Variants in NKAIN2 observed in about 807,000 individuals in gnomAD.
NKAIN2 encodes sodium/potassium transporting ATPase interacting 2, also known as sodium/potassium-transporting ATPase subunit beta-1-interacting protein 2.
Under a neutral mutation model 32.6 loss-of-function variants are expected in NKAIN2, and 14 were observed. The ratio of observed to expected loss-of-function variants is 0.43; its 90% CI spans 0.28 to 0.67. The LOEUF is 0.67. Among genes scored for constraint, NKAIN2 ranks in the 30% least tolerant of loss-of-function variants. The pLI is 0.17. For missense variants in NKAIN2, 198 were observed against 258.3 expected, an observed-to-expected ratio of 0.77 and a Z score of 1.60; for synonymous variants, 80 against 87.2, an observed-to-expected ratio of 0.92 and a Z score of 0.46.
At chr6:124,026,547 G>A (rs1003473602) in intron 1 of NKAIN2, among the ~76,000 whole-genome samples, 13 of 152,106 alleles carry the variant, frequency 8.5e-5, no homozygotes, top group Non-Finnish European at 1.5e-4. Flanking sequence ...AGCCTATAAA[G>A]GGATGACAAA....
chr6:124,636,464 C>T (rs894565962), intron 3 of NKAIN2, among the ~76,000 whole-genome samples: 26 of 151,664 alleles, frequency 1.7e-4, no homozygotes, highest in African/African-American at 6.0e-4. Flanking sequence ...AAAAGATCAA[C>T]AAAATGAAAA....
chr6:123,985,924 G>C (rs1216220419), intron 1 of NKAIN2, among the ~76,000 whole-genome samples: 1 of 152,100 alleles, frequency 6.6e-6, no homozygotes, highest in Non-Finnish European at 1.5e-5. Flanking sequence ...GAGATGTAAT[G>C]TATTCAAGAA....
At chr6:124,687,497 T>TACATGGTATATATTCCATACATAC (rs1774008880) in intron 4 of NKAIN2, among the ~76,000 whole-genome samples, 2 of 18,790 alleles carry the variant, frequency 1.1e-4, no homozygotes, top group South Asian at 2.8e-3. Flanking sequence ...TCCATACATA[T>TACATGGTATATATTCCATACATAC]ACATACATGG....
At chr6:124,394,413 C>A (rs2114427942) in intron 3 of NKAIN2, among the ~76,000 whole-genome samples, 1 of 151,232 alleles carries the variant, frequency 6.6e-6, no homozygotes, top group African/African-American at 2.4e-5. Flanking sequence ...TAATGCATGG[C>A]CCTTGTATTA....
chr6:124,153,458 AT>A (rs1787831823), intron 1 of NKAIN2, among the ~76,000 whole-genome samples: 1 of 151,774 alleles, frequency 6.6e-6, no homozygotes, highest in South Asian at 2.1e-4. Flanking sequence ...AACTTGAGGG[AT>A]AATTAACTTT....
intron 3 of NKAIN2, among the ~76,000 whole-genome samples, chr6:124,460,436 C>G (rs1296291705): frequency 2.0e-5 from 3 of 151,716 alleles, no homozygotes; most frequent in East Asian, 3.9e-4. Flanking sequence ...TAAATAGTAA[C>G]ATATCTTTGT....
intron 3 of NKAIN2, among the ~76,000 whole-genome samples, chr6:124,457,098 C>T (rs945901683): frequency 4.6e-5 from 7 of 151,846 alleles, no homozygotes; most frequent in Non-Finnish European, 7.4e-5. Flanking sequence ...TCTGTGTGTA[C>T]TGCCTTCACA....
At chr6:124,659,491 G>A (rs998712021) in intron 4 of NKAIN2, among the ~76,000 whole-genome samples, 1 of 131,638 alleles carries the variant, frequency 7.6e-6, no homozygotes. Context: ...TTAATGGAAT[G>A]TGTGTGCTTA....
intron 1 of NKAIN2, among the ~76,000 whole-genome samples, chr6:124,195,029 A>T (rs1337130401): frequency 6.6e-6 from 1 of 151,360 alleles, no homozygotes; most frequent in East Asian, 1.9e-4. Flanking sequence ...AGTATAAAGA[A>T]TATAAAATGC....
intron 5 of NKAIN2, among the ~76,000 whole-genome samples, chr6:124,794,496 A>G (rs887711789): frequency 9.2e-5 from 14 of 152,158 alleles, no homozygotes; most frequent in Non-Finnish European, 1.9e-4. Flanking sequence ...TTTTATGTGT[A>G]TCTTGACCAC....
At chr6:124,483,770 A>G (rs566590142) in intron 3 of NKAIN2, among the ~76,000 whole-genome samples, 1 of 152,006 alleles carries the variant, frequency 6.6e-6, no homozygotes, top group Admixed American at 6.5e-5. Context: ...AAATTGTGCA[A>G]TTAACTGTAT....
intron 3 of NKAIN2, among the ~76,000 whole-genome samples, chr6:124,481,665 C>T (rs1183103634): frequency 6.6e-6 from 1 of 151,644 alleles, no homozygotes; most frequent in Non-Finnish European, 1.5e-5. Flanking sequence ...TTCTTTTTAC[C>T]AGGTTTTTGT....
At chr6:124,162,107 T>C (rs191403049) in intron 1 of NKAIN2, among the ~76,000 whole-genome samples, 1 of 152,152 alleles carries the variant, frequency 6.6e-6, no homozygotes, top group East Asian at 1.9e-4. Context: ...ATGTTAAATC[T>C]AGTTGTATCA....
chr6:123,859,244 T>C (rs2114974190), intron 1 of NKAIN2, among the ~76,000 whole-genome samples: 1 of 152,258 alleles, frequency 6.6e-6, no homozygotes, highest in Middle Eastern at 3.4e-3. Flanking sequence ...ATGTGATCAG[T>C]ACATTTTTCC....
intron 4 of NKAIN2, among the ~76,000 whole-genome samples, chr6:124,682,788 C>T (rs73770517): frequency 0.064 from 9,762 of 152,102 alleles, 470 homozygotes; most frequent in African/African-American, 0.13. Context: ...TATAAAACAA[C>T]GTCTTTTTTT....
At chr6:124,364,878 T>C (rs1799454410) in intron 3 of NKAIN2, among the ~76,000 whole-genome samples, 1 of 151,896 alleles carries the variant, frequency 6.6e-6, no homozygotes, top group Non-Finnish European at 1.5e-5. Flanking sequence ...GATTTAAATA[T>C]TTGTAAAACT....
intron 3 of NKAIN2, among the ~76,000 whole-genome samples, chr6:124,585,727 GTTA>G (rs34092392): frequency 0.097 from 14,683 of 152,028 alleles, 939 homozygotes; most frequent in African/African-American, 0.18. Flanking sequence ...AAAAGCATAA[GTTA>G]TTATTACACA....
intron 4 of NKAIN2, among the ~76,000 whole-genome samples, chr6:124,781,423 T>C (rs901283555): frequency 2.0e-5 from 3 of 152,116 alleles, no homozygotes; most frequent in African/African-American, 7.2e-5. Context: ...ATGGCAGCTA[T>C]TACTTTAAAT....
chr6:124,017,986 G>A (rs969914687), intron 1 of NKAIN2, among the ~76,000 whole-genome samples: 3 of 152,222 alleles, frequency 2.0e-5, no homozygotes, highest in African/African-American at 7.2e-5. Flanking sequence ...CCTAGCAGAG[G>A]TTGTTCATAG....
Sources: gnomAD v4.1 joint callset for allele counts (sites outside exome capture counted in the v4.1 genomes callset) on GRCh38, gnomAD v4.1.1 for gene constraint, MANE v1.5 for transcripts, NCBI Gene and HGNC (gene_info 2026-07-23, HGNC 2026-07-21) for gene names.